Variants in PPP4R2 observed in about 807,000 individuals in gnomAD.
PPP4R2 encodes the protein protein phosphatase 4 regulatory subunit 2, also known as serine/threonine-protein phosphatase 4 regulatory subunit 2.
Under a neutral mutation model 47.2 loss-of-function variants are expected in PPP4R2, and 13 were observed. That is an observed-to-expected ratio of 0.28 (90% CI 0.18 to 0.44). The LOEUF (loss-of-function observed/expected upper bound fraction) is 0.44, where lower values mean the gene tolerates loss of function less well. Ranked by LOEUF, PPP4R2 falls within the 20% of genes least tolerant of loss-of-function variation. The pLI is 1.00. For missense variants in PPP4R2, 421 were observed against 491.2 expected, an observed-to-expected ratio of 0.86 and a Z score of 1.35; for synonymous variants, 151 against 163.3, an observed-to-expected ratio of 0.92 and a Z score of 0.57.
rs764429239 is a variant in PPP4R2, at chr3:73,057,185, A to ATATGTAT, written c.288-1852_288-1851insTATGTAT. On this transcript the variant is annotated intron_variant, in intron 3 of 8. Transcript: ENST00000356692. ...TGGGTTTCACGGACAGACAATTGAG[A>ATATGTAT]AACTAATACTGTTTGTTATACATGT... 9.1e-4 allele frequency among the ~76,000 whole-genome samples: 139 copies of ATATGTAT among 152,206 alleles called. 1 individual carries two copies. The highest frequency in any genetic ancestry group is 1.6e-3 in the Non-Finnish European group (110 of 67,952).
At chr3:73,039,665 G>T (rs1364314669) in intron 2 of PPP4R2, among the ~76,000 whole-genome samples, 1 of 152,170 alleles carries the variant, frequency 6.6e-6, no homozygotes, top group Non-Finnish European at 1.5e-5. Flanking sequence ...GTGGTGTGCT[G>T]CAGGTTTCTA....
intron 2 of PPP4R2, among the ~76,000 whole-genome samples, chr3:73,025,526 T>C (rs1424839365): frequency 2.0e-5 from 3 of 152,198 alleles, no homozygotes; most frequent in Non-Finnish European, 4.4e-5. Context: ...AAGAATATAA[T>C]AGTTGCTTTA....
At chr3:73,022,557 G>C (rs892235796) in intron 2 of PPP4R2, among the ~76,000 whole-genome samples, 7 of 152,064 alleles carry the variant, frequency 4.6e-5, no homozygotes, top group Non-Finnish European at 7.4e-5. Flanking sequence ...TTTTCCTTTA[G>C]AATTTTTTCT....
intron 2 of PPP4R2, among the ~76,000 whole-genome samples, chr3:73,025,916 G>A (rs1017154774): frequency 6.6e-6 from 1 of 152,106 alleles, no homozygotes; most frequent in African/African-American, 2.4e-5. Context: ...CAGCATTAGT[G>A]GGAATGAACA....
At chr3:73,034,265 T>A (rs1702222363) in intron 2 of PPP4R2, among the ~76,000 whole-genome samples, 1 of 152,206 alleles carries the variant, frequency 6.6e-6, no homozygotes, top group South Asian at 2.1e-4. Context: ...AAAAAGAGTG[T>A]TAAATGGTGC....
intron 1 of PPP4R2, 24 bp from the exon 2 acceptor site, chr3:72,998,052 CG>C (rs775818043): frequency 2.0e-5 from 30 of 1,502,318 alleles, no homozygotes; most frequent in Middle Eastern, 3.9e-4. Flanking sequence ...AAACTGATAA[CG>C]TTTTTTTTTC....
intron 4 of PPP4R2, among the ~76,000 whole-genome samples, chr3:73,059,808 G>A (rs564672768): frequency 6.6e-6 from 1 of 152,042 alleles, no homozygotes; most frequent in South Asian, 2.1e-4. Context: ...GGTGGTGCAC[G>A]CCTGTAATCC....
chr3:73,054,578 A>G (rs1172040175), intron 3 of PPP4R2, among the ~76,000 whole-genome samples: 1 of 152,204 alleles, frequency 6.6e-6, no homozygotes, highest in Non-Finnish European at 1.5e-5. Flanking sequence ...AAATCCACAT[A>G]TACATGGGTA....
chr3:73,050,217 A>G (rs1280406597), intron 3 of PPP4R2, among the ~76,000 whole-genome samples: 2 of 152,090 alleles, frequency 1.3e-5, no homozygotes, highest in Non-Finnish European at 2.9e-5. Context: ...TACCTGCCTC[A>G]GCCTCCCAAA....
intron 2 of PPP4R2, among the ~76,000 whole-genome samples, chr3:73,039,170 C>G (rs192489143): frequency 1.9e-3 from 295 of 152,304 alleles, no homozygotes; most frequent in Non-Finnish European, 3.6e-3. Context: ...GTTGCCCAGG[C>G]TGGAGTGCAG....
chr3:73,009,936 C>T (rs986412372), intron 2 of PPP4R2, among the ~76,000 whole-genome samples: 3 of 152,162 alleles, frequency 2.0e-5, no homozygotes, highest in African/African-American at 7.2e-5. Context: ...TGTCAGGCTG[C>T]CCAGGTTTTG....
chr3:72,999,053 G>A (rs1444130869), intron 2 of PPP4R2, among the ~76,000 whole-genome samples: 2 of 152,104 alleles, frequency 1.3e-5, no homozygotes, highest in African/African-American at 2.4e-5. Flanking sequence ...TTGCTTATTT[G>A]TAGTCTAGCC....
At chr3:73,040,475 TTGTAA>T (rs970690513) in intron 2 of PPP4R2, among the ~76,000 whole-genome samples, 15 of 151,368 alleles carry the variant, frequency 9.9e-5, no homozygotes, top group African/African-American at 3.6e-4. Context: ...TTATTTTTAA[TTGTAA>T]TGAAGTAGAT....
intron 2 of PPP4R2, among the ~76,000 whole-genome samples, chr3:73,030,081 G>A (rs1218125655): frequency 6.6e-6 from 1 of 152,180 alleles, no homozygotes; most frequent in African/African-American, 2.4e-5. Flanking sequence ...TTGGAACTGG[G>A]AGGGTAAGTG....
intron 2 of PPP4R2, chr3:73,015,678 C>T (rs901532135): frequency 9.0e-6 from 2 of 223,238 alleles, no homozygotes; most frequent in Non-Finnish European, 1.9e-5. Flanking sequence ...CGCTGTGTCG[C>T]CCAGACTGGA....
intron 2 of PPP4R2, among the ~76,000 whole-genome samples, chr3:73,018,203 A>C (rs1011196400): frequency 6.6e-6 from 1 of 152,144 alleles, no homozygotes; most frequent in African/African-American, 2.4e-5. Context: ...ACAGGTTTCA[A>C]CTGTGGGGGT....
At chr3:73,039,254 G>C (rs548941123) in intron 2 of PPP4R2, among the ~76,000 whole-genome samples, 1 of 152,248 alleles carries the variant, frequency 6.6e-6, no homozygotes, top group East Asian at 1.9e-4. Flanking sequence ...CTCCTGAGTA[G>C]CTGGGATTAC....
rs531236345 is a variant in PPP4R2 at position 73,056,986 on chromosome 3, A to T, written c.288-2051A>T. On this transcript the variant is annotated intron_variant, in intron 3 of 8. Transcript: ENST00000356692. ...TACCCAAACACTTGTTGAATACCCA[A>T]ACTGTTGGTGCTATTTTGTATATTT... 2.6e-5 allele frequency among the ~76,000 whole-genome samples: 4 copies of T among 152,272 alleles called. No individual in the cohort carries two copies. The East Asian group carries it at 5.8e-4, about 22-fold the overall frequency.
chr3:73,007,468 CTGTTTTT>C (rs558858544), intron 2 of PPP4R2, among the ~76,000 whole-genome samples: 1 of 136,832 alleles, frequency 7.3e-6, no homozygotes, highest in African/African-American at 2.9e-5. Context: ...CTGTTTTTTT[CTGTTTTT>C]TGTTTTTTGT....
Sources: gnomAD v4.1 joint callset for allele counts (sites outside exome capture counted in the v4.1 genomes callset) on GRCh38, gnomAD v4.1.1 for gene constraint, MANE v1.5 for transcripts, NCBI Gene and HGNC (gene_info 2026-07-23, HGNC 2026-07-21) for gene names.